The following GDA variants were observed in gnomAD, a reference collection of about 807,000 sequenced individuals.
GDA encodes cytoplasmic PSD-95 interactor.
In GDA, 18 loss-of-function variants were observed where a neutral mutation model predicts 59.6. The observed-to-expected ratio is 0.30, with a 90% CI of 0.21 to 0.45. The LOEUF (loss-of-function observed/expected upper bound fraction) is 0.45. Ranked by LOEUF, GDA falls within the 20% of genes least tolerant of loss-of-function variation. The pLI, the probability that GDA is intolerant of heterozygous loss-of-function variation, is 1.00. For missense variants in GDA, 427 were observed against 552.3 expected (o/e 0.77, Z 2.27); for synonymous variants, 201 against 201.1 (o/e 1.00, Z 0.00).
intron 3 of GDA, among the ~76,000 whole-genome samples, chr9:72,205,559 C>T (rs1834592218): frequency 6.6e-6 from 1 of 152,144 alleles, no homozygotes. Context: ...GGGCAGGCAG[C>T]ATTTAAGACA....
At chr9:72,140,923 C>T (rs1256223819) in intron 1 of GDA, among the ~76,000 whole-genome samples, 2 of 152,020 alleles carry the variant, frequency 1.3e-5, no homozygotes, top group Admixed American at 6.6e-5. Context: ...TTTGGGAAGT[C>T]GAGGCAGGAG....
At chr9:72,140,042 C>G (rs1352044705) in intron 1 of GDA, among the ~76,000 whole-genome samples, 1 of 152,080 alleles carries the variant, frequency 6.6e-6, no homozygotes, top group Admixed American at 6.6e-5. Flanking sequence ...TAGGGAACCC[C>G]GCGTTCCCTA....
chr9:72,231,913 G>A (rs192148809), intron 10 of GDA, among the ~76,000 whole-genome samples: 402 of 152,320 alleles, frequency 2.6e-3, no homozygotes, highest in African/African-American at 9.1e-3. Flanking sequence ...TTTAAGCAAC[G>A]TTTAGCCAAA....
At chr9:72,217,258 A>T (rs1050096560) in intron 5 of GDA, among the ~76,000 whole-genome samples, 7 of 152,208 alleles carry the variant, frequency 4.6e-5, no homozygotes, top group Non-Finnish European at 1.0e-4. Flanking sequence ...AGATTTTTTT[A>T]AAAGGAAGAT....
chr9:72,160,844 C>G (rs1018084446), intron 1 of GDA, among the ~76,000 whole-genome samples: 2 of 152,192 alleles, frequency 1.3e-5, no homozygotes, highest in Non-Finnish European at 2.9e-5. Flanking sequence ...TGTCCATGCT[C>G]CTTTTTCACC....
At chr9:72,223,675 C>A (rs1837191045) in intron 7 of GDA, among the ~76,000 whole-genome samples, 1 of 152,164 alleles carries the variant, frequency 6.6e-6, no homozygotes, top group African/African-American at 2.4e-5. Context: ...TACAAAATAG[C>A]ATTTAAAATC....
At chr9:72,117,080 T>A (rs1285513070) in intron 1 of GDA, among the ~76,000 whole-genome samples, 2 of 152,202 alleles carry the variant, frequency 1.3e-5, no homozygotes, top group Admixed American at 6.5e-5. Context: ...TCCAGCTTCA[T>A]CCTTGTCCCT....
At chr9:72,165,977 A>G (rs372842726) in intron 1 of GDA, among the ~76,000 whole-genome samples, 5 of 152,024 alleles carry the variant, frequency 3.3e-5, no homozygotes, top group African/African-American at 1.2e-4. Flanking sequence ...AAGGGAAGAG[A>G]GAAAATCTTA....
chr9:72,151,499 A>G (rs902014015), intron 1 of GDA, among the ~76,000 whole-genome samples: 2 of 152,200 alleles, frequency 1.3e-5, no homozygotes, highest in African/African-American at 4.8e-5. Flanking sequence ...TGCTGGGATA[A>G]ATATATTATT....
chr9:72,230,643 G>A (rs989426915), intron 9 of GDA, among the ~76,000 whole-genome samples: 3 of 151,900 alleles, frequency 2.0e-5, no homozygotes, highest in African/African-American at 7.2e-5. Flanking sequence ...TTTTTAGGCT[G>A]CACCCCTTTT....
At chr9:72,152,229 G>C (rs138380360) in intron 1 of GDA, among the ~76,000 whole-genome samples, 9 of 152,322 alleles carry the variant, frequency 5.9e-5, no homozygotes, top group African/African-American at 2.2e-4. Flanking sequence ...ATCTCAGCGA[G>C]AGGGCACAAA....
chr9:72,175,004 C>A (rs1587479388), intron 1 of GDA, among the ~76,000 whole-genome samples: 1 of 152,006 alleles, frequency 6.6e-6, no homozygotes, highest in East Asian at 1.9e-4. Context: ...CCAGGTGGAG[C>A]CGAGAGAGCA....
chr9:72,180,510 A>AAG (rs538322483), intron 1 of GDA, among the ~76,000 whole-genome samples: 2 of 152,122 alleles, frequency 1.3e-5, no homozygotes, highest in South Asian at 2.1e-4. Flanking sequence ...AGTTTTTCAA[A>AAG]AGAGAGAGAG....
intron 10 of GDA, among the ~76,000 whole-genome samples, chr9:72,234,542 T>C (rs1838738639): frequency 6.6e-6 from 1 of 152,046 alleles, no homozygotes. Context: ...TAGAAGGTGT[T>C]TGAGGATGAT....
chr9:72,200,446 T>C (rs1833845231), intron 2 of GDA, among the ~76,000 whole-genome samples: 1 of 151,996 alleles, frequency 6.6e-6, no homozygotes, highest in African/African-American at 2.4e-5. Flanking sequence ...CTCTCCTTTT[T>C]CTTTCTCCTC....
intron 10 of GDA, among the ~76,000 whole-genome samples, chr9:72,232,708 A>G (rs1333963897): frequency 6.6e-6 from 1 of 152,142 alleles, no homozygotes; most frequent in Non-Finnish European, 1.5e-5. Context: ...TTGACTTTGG[A>G]TTGTTTAGTG....
chr9:72,118,069 A>C (rs1474007454), intron 1 of GDA, among the ~76,000 whole-genome samples: 4 of 151,798 alleles, frequency 2.6e-5, no homozygotes, highest in African/African-American at 9.7e-5. Context: ...TCAGGAGATC[A>C]AGACCATCCT....
upstream of GDA, chr9:72,149,350 G>A (rs191458642): frequency 4.6e-4 from 254 of 550,128 alleles, no homozygotes; most frequent in African/African-American, 4.7e-3. Flanking sequence ...CAACTCGCGG[G>A]AGAAAAATCC....
intron 1 of GDA, 32 bp downstream of exon 1, chr9:72,149,714 C>G: frequency 1.9e-6 from 3 of 1,567,578 alleles, no homozygotes; most frequent in South Asian, 2.3e-5. Context: ...CGCACTCCGA[C>G]GGGCGGGAGG....
Sources: gnomAD v4.1 joint callset for allele counts (sites outside exome capture counted in the v4.1 genomes callset) on GRCh38, gnomAD v4.1.1 for gene constraint, MANE v1.5 for transcripts, NCBI Gene and HGNC (gene_info 2026-07-23, HGNC 2026-07-21) for gene names.